Variants in FAP observed in about 807,000 individuals in gnomAD.
FAP encodes the protein prolyl endopeptidase FAP.
Under a neutral mutation model 126.5 loss-of-function variants are expected in FAP, and 110 were observed. The observed-to-expected ratio is 0.87, with a 90% CI of 0.74 to 1.02. The LOEUF (loss-of-function observed/expected upper bound fraction) is 1.02, where lower values mean the gene tolerates loss of function less well. Ranked by LOEUF, FAP falls within the 50% of genes least tolerant of loss-of-function variation. The pLI is 0.00. For synonymous variants in FAP, 334 were observed against 297.3 expected, an observed-to-expected ratio of 1.12 and a Z score of -1.27; for missense variants, 919 against 909.2, an observed-to-expected ratio of 1.01 and a Z score of -0.14.
At chr2:162,224,324 A>G in intron 5 of FAP, 142 bp downstream of exon 5, 2 of 585,082 alleles carry the variant, frequency 3.4e-6, no homozygotes, top group Non-Finnish European at 6.0e-6. Context: ...AGATTGAAAC[A>G]TATCATGCTG....
intron 11 of FAP, among the ~76,000 whole-genome samples, chr2:162,213,477 GAATTTTT>G (rs1200042848): frequency 1.3e-5 from 2 of 148,204 alleles, no homozygotes; most frequent in African/African-American, 2.5e-5. Flanking sequence ...ATTTCCTTTA[GAATTTTT>G]AATTTTTAAT....
intron 4 of FAP, 117 bp from the exon 5 acceptor site, chr2:162,224,657 T>C (rs1484684614): frequency 1.5e-5 from 8 of 531,650 alleles, no homozygotes; most frequent in African/African-American, 4.0e-5. Context: ...AGACTTTCAA[T>C]GCAATTGAAA....
intron 20 of FAP, among the ~76,000 whole-genome samples, chr2:162,186,247 G>A (rs1335858158): frequency 6.6e-6 from 1 of 152,100 alleles, no homozygotes; most frequent in African/African-American, 2.4e-5. Flanking sequence ...GTATATGGGT[G>A]AACATATGTT....
intron 2 of FAP, among the ~76,000 whole-genome samples, chr2:162,236,032 T>A (rs1471626525): frequency 6.6e-6 from 1 of 152,216 alleles, no homozygotes; most frequent in African/African-American, 2.4e-5. Flanking sequence ...GGTGCTGCAT[T>A]TTGTCAAATC....
chr2:162,199,927 A>G lies in FAP; in HGVS notation c.1277+639T>C, dbSNP rs115273387. 4.6e-3 allele frequency among the ~76,000 whole-genome samples: 700 copies of G among 152,326 alleles called. 9 individuals carry two copies. Among genetic ancestry groups the G allele is most frequent in the African/African-American group, 0.016 (660 of 41,570 alleles). On this transcript the variant is annotated intron_variant, in intron 15 of 25. Transcript: ENST00000188790. ...GGCAGTTAACAGCAAGGGCTCAGAG[A>G]TCAGCATGCCCAGGTACAAATCCTG...
intron 11 of FAP, among the ~76,000 whole-genome samples, chr2:162,211,918 C>T (rs1688951944): frequency 6.6e-6 from 1 of 152,094 alleles, no homozygotes; most frequent in African/African-American, 2.4e-5. Context: ...TGTGCGCACA[C>T]ACACACACAC....
At chr2:162,177,074 T>C (rs1003905631) in intron 21 of FAP, among the ~76,000 whole-genome samples, 2 of 152,112 alleles carry the variant, frequency 1.3e-5, no homozygotes, top group African/African-American at 4.8e-5. Flanking sequence ...GAGTTGACTT[T>C]TTCCTGCCCC....
chr2:162,231,694 T>C (rs1377461638), intron 2 of FAP, among the ~76,000 whole-genome samples: 1 of 152,200 alleles, frequency 6.6e-6, no homozygotes, highest in Non-Finnish European at 1.5e-5. Context: ...CAAGTAATGA[T>C]TTACTATTCT....
chr2:162,192,444 G>T (rs1688082622), intron 17 of FAP, among the ~76,000 whole-genome samples: 1 of 151,776 alleles, frequency 6.6e-6, no homozygotes, highest in Admixed American at 6.6e-5. Flanking sequence ...GTTCCTTCTT[G>T]GTCTCCTCTC....
At chr2:162,179,403 A>C (rs1185250299) in intron 21 of FAP, among the ~76,000 whole-genome samples, 1 of 152,196 alleles carries the variant, frequency 6.6e-6, no homozygotes, top group African/African-American at 2.4e-5. Context: ...TTATAGGATT[A>C]AAGTCAGTTT....
Position 162,177,608 on chromosome 2 carries a change from C to T in FAP, c.1870-2642G>A, listed in dbSNP as rs1388577169. Among the ~76,000 whole-genome samples, 2 of 152,160 alleles carry T rather than the reference C, an allele frequency of 1.3e-5. 1 individual carries two copies. Among genetic ancestry groups the T allele is most frequent in the African/African-American group, 4.8e-5 (2 of 41,458 alleles). ...GTCATCTCAAATGAGCCTTCTTTGCCATTCTGATTTAAAATTGTACCAACT... is the reference window on the plus strand; with the variant it reads ...GTCATCTCAAATGAGCCTTCTTTGCTATTCTGATTTAAAATTGTACCAACT... On this transcript the variant is annotated intron_variant, in intron 21 of 25. Transcript: ENST00000188790.
At chr2:162,210,358 T>G (rs933805846) in intron 11 of FAP, among the ~76,000 whole-genome samples, 1 of 152,224 alleles carries the variant, frequency 6.6e-6, no homozygotes, top group Non-Finnish European at 1.5e-5. Context: ...TAGCTAAAAT[T>G]TTAAAATTTG....
chr2:162,175,148 T>C lies in FAP; in HGVS notation c.1870-182A>G, dbSNP rs539564193. The C allele has an allele frequency of 9.4e-4, 483 of 515,714 alleles. 2 individuals carry two copies. Among genetic ancestry groups the C allele is most frequent in the Non-Finnish European group, 1.4e-3 (394 of 285,324 alleles). The allele number at this position is 515,714 out of a possible 1,614,324, so 31.9% of individuals were successfully genotyped here. A position where few individuals can be genotyped will look rare whatever the true frequency, so the allele number is the denominator to read the frequency against. ...TCAGATAAATGACCAGACATAATGG[T>C]AATTTCTTCCCTAATTCATTAGAAA... On this transcript the variant is annotated intron_variant, in intron 21 of 25. Coordinates refer to ENST00000188790, the MANE Select transcript of FAP (RefSeq NM_004460.5).
intron 2 of FAP, among the ~76,000 whole-genome samples, chr2:162,229,797 TTA>T (rs1030849550): frequency 6.6e-6 from 1 of 152,154 alleles, no homozygotes; most frequent in African/African-American, 2.4e-5. Context: ...GCAATTAATT[TTA>T]TATGAGTGCA....
At chr2:162,229,420 A>C (rs1689800211) in intron 2 of FAP, among the ~76,000 whole-genome samples, 1 of 152,166 alleles carries the variant, frequency 6.6e-6, no homozygotes, top group South Asian at 2.1e-4. Flanking sequence ...TGAGAAACAC[A>C]GTTCCAGACA....
chr2:162,172,450 C>G (rs974949939), intron 25 of FAP: 3 of 182,526 alleles, frequency 1.6e-5, no homozygotes, highest in Non-Finnish European at 3.5e-5. Context: ...TCTTACTGAA[C>G]AAACAGAATC....
chr2:162,218,110 C>A lies in FAP; in HGVS notation c.638G>T (p.Trp213Leu). The A allele has an allele frequency of 1.9e-6, 3 of 1,607,058 alleles. No homozygotes were observed. The highest frequency in any genetic ancestry group is 4.5e-5 in the East Asian group (2 of 44,444). ...EEMLATKYALWWSPNGKFLAY... is the reference protein window; with the variant it reads ...EEMLATKYALLWSPNGKFLAY... ...CAAAAATTTTCCATTAGGAGACCAC[C>A]AGAGAGCATATTTTGTAGCAAGCAT... The change falls in exon 9 of 26, where the codon TGG (tryptophan) becomes TTG (leucine). Residue 213 changes from tryptophan (W) to leucine (L), a missense_variant. Transcript: ENST00000188790.
chr2:162,217,873 T>C, intron 9 of FAP, 113 bp downstream of exon 9: 2 of 730,872 alleles, frequency 2.7e-6, no homozygotes, highest in Non-Finnish European at 4.4e-6. Flanking sequence ...TGCCTTACAA[T>C]GCTCAAGGAT....
At chr2:162,192,407 T>C (rs538794845) in intron 17 of FAP, among the ~76,000 whole-genome samples, 13 of 152,014 alleles carry the variant, frequency 8.6e-5, no homozygotes, top group Non-Finnish European at 1.5e-4. Context: ...CACAATACCA[T>C]ACTCTCAAGT....
Sources: gnomAD v4.1 joint callset for allele counts (sites outside exome capture counted in the v4.1 genomes callset) on GRCh38, gnomAD v4.1.1 for gene constraint, MANE v1.5 for transcripts, NCBI Gene and HGNC (gene_info 2026-07-23, HGNC 2026-07-21) for gene names.